MECOM: variants seen among roughly 807,000 people sequenced by gnomAD.
The protein encoded by MECOM is MDS1 and EVI1 complex locus.
Under a neutral mutation model 116.3 loss-of-function variants are expected in MECOM, and 13 were observed. That is an observed-to-expected ratio of 0.11 (90% confidence interval 0.07 to 0.18). The LOEUF (loss-of-function observed/expected upper bound fraction) is 0.18. MECOM is among the 10% of genes least tolerant of loss of function. The probability of loss-of-function intolerance (pLI) is 1.00; values close to 1 mark genes in which losing one functional copy is unlikely to be tolerated. For missense variants in MECOM, 1,299 were observed against 1,509.0 expected (o/e 0.86, Z 2.31); for synonymous variants, 528 against 535.2 (o/e 0.99, Z 0.19).
chr3:169,378,580 AAG>A (rs1319305273), intron 2 of MECOM, among the ~76,000 whole-genome samples: 5 of 64,354 alleles, frequency 7.8e-5, no homozygotes, highest in Non-Finnish European at 1.9e-4. Context: ...GAAAGAAAGA[AAG>A]AAAGTAAGTA....
intron 2 of MECOM, among the ~76,000 whole-genome samples, chr3:169,166,798 A>C (rs916059828): frequency 6.6e-6 from 1 of 152,176 alleles, no homozygotes; most frequent in Non-Finnish European, 1.5e-5. Flanking sequence ...TTGGCAAAAA[A>C]ATAACAAAAA....
chr3:169,115,606 G>A lies in MECOM; in HGVS notation c.2266C>T (p.Pro756Ser). ...TKRKDEKPLT[P>S]VPSKPPVTPA... Reference sequence around the variant, plus strand: ...GTCACTGGAGGCTTGGAGGGGACTGGAGTCAAGGGCTTCTCATCCTTTCGC... The same window carrying A: ...GTCACTGGAGGCTTGGAGGGGACTGAAGTCAAGGGCTTCTCATCCTTTCGC... The change falls in exon 8 of 17, where the codon CCA becomes TCA. Residue 756 changes from proline to serine, a missense_variant. By Grantham distance (74) the Pro-to-Ser change is moderately conservative. Around this residue, in one of 6 missense-constraint regions of MECOM, gnomAD observed 340 missense variants for 312.6 expected, o/e 1.09. Transcript: ENST00000651503. 1 of 1,614,160 alleles carries A rather than the reference G, an allele frequency of 6.2e-7. No homozygotes were observed. The highest frequency in any genetic ancestry group is 1.1e-5 in the South Asian group (1 of 91,074).
At chr3:169,506,248 T>C (rs1215584686) in intron 1 of MECOM, among the ~76,000 whole-genome samples, 3 of 152,198 alleles carry the variant, frequency 2.0e-5, no homozygotes, top group Non-Finnish European at 1.5e-5. Flanking sequence ...AGATGTCCAA[T>C]TGAGATTAAA....
intron 1 of MECOM, among the ~76,000 whole-genome samples, chr3:169,498,438 C>T (rs1247872489): frequency 6.6e-6 from 1 of 152,124 alleles, no homozygotes; most frequent in Non-Finnish European, 1.5e-5. Context: ...AGGAAACCTA[C>T]AATACTAAAG....
At chr3:169,243,895 T>C (rs1208789749) in intron 2 of MECOM, among the ~76,000 whole-genome samples, 1 of 152,212 alleles carries the variant, frequency 6.6e-6, no homozygotes, top group Non-Finnish European at 1.5e-5. Context: ...TTTGGAGCAC[T>C]CGCCTGACAG....
At chr3:169,540,673 T>A (rs11916582) in intron 1 of MECOM, among the ~76,000 whole-genome samples, 1 of 152,204 alleles carries the variant, frequency 6.6e-6, no homozygotes, top group Non-Finnish European at 1.5e-5. Context: ...CTACATTTAT[T>A]AAGCCCATCC....
At chr3:169,288,203 G>C (rs540792486) in intron 2 of MECOM, among the ~76,000 whole-genome samples, 1 of 147,780 alleles carries the variant, frequency 6.8e-6, no homozygotes, top group African/African-American at 2.6e-5. Flanking sequence ...GGTAGGGGGA[G>C]AAAGAGGAAA....
At chr3:169,358,411 A>G (rs1160429951) in intron 2 of MECOM, among the ~76,000 whole-genome samples, 1 of 151,618 alleles carries the variant, frequency 6.6e-6, no homozygotes, top group Admixed American at 6.6e-5. Context: ...ACCAGTTTTC[A>G]TTACTACATA....
chr3:169,265,611 C>G (rs1758180170), intron 2 of MECOM, among the ~76,000 whole-genome samples: 1 of 152,132 alleles, frequency 6.6e-6, no homozygotes, highest in East Asian at 1.9e-4. Flanking sequence ...CATCAGAGAG[C>G]TGGGAACCCA....
chr3:169,366,231 T>A lies in MECOM; in HGVS notation c.375+14956A>T, dbSNP rs118151671. Among the ~76,000 whole-genome samples, 6 of 152,062 alleles carry A rather than the reference T, an allele frequency of 3.9e-5. No homozygotes were observed. In the East Asian group the frequency reaches 1.2e-3, roughly 30 times the overall value. ...GGAGATTCCAGGAAGATGGAAGAAC[T>A]CCACACAGGATCACTCTCCATCTGT... On this transcript the variant is annotated intron_variant, in intron 2 of 16. Coordinates refer to ENST00000651503, the MANE Select transcript of MECOM (RefSeq NM_004991.4).
chr3:169,085,382 A>G (rs971582514), intron 16 of MECOM, among the ~76,000 whole-genome samples: 1 of 152,182 alleles, frequency 6.6e-6, no homozygotes, highest in Non-Finnish European at 1.5e-5. Context: ...CACCAAAAAT[A>G]TTATTGTGTG....
At chr3:169,539,775 A>C (rs1171039112) in intron 1 of MECOM, among the ~76,000 whole-genome samples, 1 of 151,822 alleles carries the variant, frequency 6.6e-6, no homozygotes, top group East Asian at 1.9e-4. Context: ...GTGACTCCTC[A>C]GGGTCCTCAT....
At chr3:169,577,269 C>T (rs990913798) in intron 1 of MECOM, among the ~76,000 whole-genome samples, 1 of 152,180 alleles carries the variant, frequency 6.6e-6, no homozygotes, top group African/African-American at 2.4e-5. Flanking sequence ...GCTGTTATGT[C>T]ATCAGAGTCC....
At chr3:169,491,815 G>T (rs1659689013) in intron 1 of MECOM, among the ~76,000 whole-genome samples, 1 of 152,134 alleles carries the variant, frequency 6.6e-6, no homozygotes, top group East Asian at 1.9e-4. Context: ...AGAAACATGG[G>T]ATCTCCAAGA....
chr3:169,439,258 G>A lies in MECOM; in HGVS notation c.38-57734C>T, dbSNP rs1743208824. On this transcript the variant is annotated intron_variant, in intron 1 of 16. Coordinates refer to ENST00000651503, the MANE Select transcript of MECOM (RefSeq NM_004991.4). ...TCTGTTCATTTAGAGATAGCATAAGGAAAGAAAATACAAACTAGGAAAGAT... is the reference window on the plus strand; with the variant it reads ...TCTGTTCATTTAGAGATAGCATAAGAAAAGAAAATACAAACTAGGAAAGAT... Among the ~76,000 whole-genome samples, 4 of 146,006 alleles carry A rather than the reference G, an allele frequency of 2.7e-5. No individual in the cohort carries two copies. In the South Asian group the frequency reaches 8.6e-4, roughly 31 times the overall value.
At chr3:169,368,427 T>C (rs1729536838) in intron 2 of MECOM, among the ~76,000 whole-genome samples, 2 of 152,060 alleles carry the variant, frequency 1.3e-5, no homozygotes, top group Non-Finnish European at 2.9e-5. Flanking sequence ...ACTACATTAA[T>C]AAAAATTTTT....
chr3:169,357,817 A>G (rs1488941301), intron 2 of MECOM, among the ~76,000 whole-genome samples: 1 of 151,826 alleles, frequency 6.6e-6, no homozygotes, highest in African/African-American at 2.4e-5. Context: ...GAAAATAAAG[A>G]CAGAAAAAGG....
chr3:169,556,148 T>G (rs570808444), intron 1 of MECOM, among the ~76,000 whole-genome samples: 1 of 152,344 alleles, frequency 6.6e-6, no homozygotes, highest in South Asian at 2.1e-4. Flanking sequence ...TACAATAGTC[T>G]TTTCCCCTTG....
At chr3:169,571,196 A>G (rs1419244212) in intron 1 of MECOM, among the ~76,000 whole-genome samples, 1 of 152,198 alleles carries the variant, frequency 6.6e-6, no homozygotes, top group Non-Finnish European at 1.5e-5. Flanking sequence ...ATATACCAAT[A>G]ATAGACAAAC....
Sources: gnomAD v4.1 joint callset for allele counts (sites outside exome capture counted in the v4.1 genomes callset) on GRCh38, gnomAD v4.1.1 for gene constraint, gnomAD v4.1.1 regional missense constraint, MANE v1.5 for transcripts, NCBI Gene and HGNC (gene_info 2026-07-23, HGNC 2026-07-21) for gene names.